The following NEDD4L variants were observed in gnomAD, a reference collection of about 807,000 sequenced individuals.
The protein encoded by NEDD4L is E3 ubiquitin-protein ligase NEDD4-like.
A neutral mutation model predicts 148.9 loss-of-function variants in NEDD4L; 54 were observed. That is an observed-to-expected ratio of 0.36 (90% confidence interval 0.29 to 0.45). NEDD4L has a LOEUF of 0.45. Ranked by LOEUF, NEDD4L falls within the 20% of genes least tolerant of loss-of-function variation. NEDD4L has a pLI of 1.00. For synonymous variants in NEDD4L, 433 were observed against 440.7 expected, an observed-to-expected ratio of 0.98 and a Z score of 0.22; for missense variants, 856 against 1,233.8, an observed-to-expected ratio of 0.69 and a Z score of 4.59.
intron 2 of NEDD4L, among the ~76,000 whole-genome samples, chr18:58,226,765 A>C (rs2044400587): frequency 6.6e-6 from 1 of 152,198 alleles, no homozygotes; most frequent in Non-Finnish European, 1.5e-5. Flanking sequence ...CCTCACTGCT[A>C]CAGCTGACAG....
intron 17 of NEDD4L, among the ~76,000 whole-genome samples, chr18:58,350,073 T>G (rs2043675211): frequency 6.6e-6 from 1 of 152,216 alleles, no homozygotes; most frequent in Non-Finnish European, 1.5e-5. Flanking sequence ...TCTCCCTTGT[T>G]GGTGACGGCT....
At chr18:58,195,565 AGCACGGC>A in intron 2 of NEDD4L, 1 of 1,339,542 alleles carries the variant, frequency 7.5e-7, no homozygotes, top group Non-Finnish European at 9.8e-7. Context: ...GTGCCTCCCC[AGCACGGC>A]ACCTCCCACT....
intron 2 of NEDD4L, among the ~76,000 whole-genome samples, chr18:58,196,915 T>A (rs2040773773): frequency 6.6e-6 from 1 of 151,942 alleles, no homozygotes; most frequent in African/African-American, 2.4e-5. Flanking sequence ...CCTGATGATT[T>A]TTATGAGGGG....
intron 19 of NEDD4L, among the ~76,000 whole-genome samples, chr18:58,361,670 C>A (rs2075407): frequency 0.37 from 56,533 of 151,888 alleles, 11,883 homozygotes; most frequent in African/African-American, 0.57. Flanking sequence ...TGTCTCCCGG[C>A]CAGTGATGAT....
Position 58,256,743 on chromosome 18 carries a change from A to G in NEDD4L, c.297+4689A>G, listed in dbSNP as rs1165588143. 19 of 1,231,950 alleles carry G rather than the reference A, an allele frequency of 1.5e-5. No individual in the cohort carries two copies. Among genetic ancestry groups the G allele is most frequent in the Non-Finnish European group, 1.8e-5 (18 of 988,020 alleles). The allele number at this position is 1,231,950 out of a possible 1,614,324, so 76.3% of individuals were successfully genotyped here. On this transcript the variant is annotated intron_variant, in intron 5 of 30. Coordinates refer to ENST00000400345, the MANE Select transcript of NEDD4L (RefSeq NM_001144967.3). The surrounding 1 kb of genome is among the most constrained non-coding windows in gnomAD (Gnocchi z 5.2). ...CAGAATCCCGAGGAGAAAAGCGCCA[A>G]AAGCCCTGTTTCCACGGGAGCTGAC...
chr18:58,348,336 T>C (rs1477816027), intron 16 of NEDD4L, among the ~76,000 whole-genome samples: 9 of 134,250 alleles, frequency 6.7e-5, no homozygotes, highest in Non-Finnish European at 1.3e-4. Flanking sequence ...CTTTTTTTTT[T>C]TTTTTTTTTT....
chr18:58,186,141 C>T (rs1202763506), intron 2 of NEDD4L, among the ~76,000 whole-genome samples: 1 of 152,078 alleles, frequency 6.6e-6, no homozygotes, highest in Non-Finnish European at 1.5e-5. Context: ...ACATACATTC[C>T]CTAGTTGACG....
intron 13 of NEDD4L, among the ~76,000 whole-genome samples, chr18:58,338,959 G>A (rs1488136810): frequency 6.6e-6 from 1 of 152,170 alleles, no homozygotes; most frequent in Non-Finnish European, 1.5e-5. Context: ...AATTCATACA[G>A]CTTTAGGATT....
intron 16 of NEDD4L, 43 bp downstream of exon 16, chr18:58,343,146 T>C (rs1161712612): frequency 6.6e-7 from 1 of 1,508,556 alleles, no homozygotes; most frequent in Admixed American, 2.0e-5. Context: ...CATCATGAAG[T>C]CTGGCATTAA....
At chr18:58,072,903 C>T (rs1321620807) in intron 1 of NEDD4L, among the ~76,000 whole-genome samples, 1 of 148,144 alleles carries the variant, frequency 6.8e-6, no homozygotes, top group African/African-American at 2.6e-5. Flanking sequence ...CACACACACA[C>T]ACAAATCTTG....
At chr18:58,307,907 G>A (rs2052638869) in intron 5 of NEDD4L, among the ~76,000 whole-genome samples, 1 of 152,114 alleles carries the variant, frequency 6.6e-6, no homozygotes. Flanking sequence ...AAAAAATATA[G>A]GATCTAGAAG....
intron 2 of NEDD4L, among the ~76,000 whole-genome samples, chr18:58,234,471 A>T (rs2045765692): frequency 6.6e-6 from 1 of 151,242 alleles, no homozygotes; most frequent in African/African-American, 2.4e-5. Flanking sequence ...AGCTGGGACC[A>T]TGGGTGTTTG....
intron 2 of NEDD4L, chr18:58,227,725 C>G (rs1469230363): frequency 5.2e-6 from 1 of 193,800 alleles, no homozygotes; most frequent in Non-Finnish European, 9.4e-6. Context: ...TTTCAGTGTT[C>G]AACATGCTGC....
intron 1 of NEDD4L, among the ~76,000 whole-genome samples, chr18:58,055,842 T>C (rs2082064906): frequency 6.6e-6 from 1 of 152,256 alleles, no homozygotes; most frequent in African/African-American, 2.4e-5. Flanking sequence ...GTTTGGGTTC[T>C]CTGAAATTTT....
chr18:58,088,652 G>GCT (rs1345725006), intron 1 of NEDD4L, among the ~76,000 whole-genome samples: 1 of 152,180 alleles, frequency 6.6e-6, no homozygotes, highest in African/African-American at 2.4e-5. Flanking sequence ...TATAAATGCA[G>GCT]CTGGGGACAT....
chr18:58,289,242 C>T (rs901305799), intron 5 of NEDD4L, among the ~76,000 whole-genome samples: 1 of 152,276 alleles, frequency 6.6e-6, no homozygotes, highest in African/African-American at 2.4e-5. Flanking sequence ...AACAACTGAA[C>T]GCTCAGTTGC....
At position 58,400,050 on chromosome 18, in the gene NEDD4L, C is replaced by G. The variant is rs1201038553; in HGVS notation, c.*3781C>G. 1 of 152,326 alleles carries G rather than the reference C, an allele frequency of 6.6e-6. No individual in the cohort carries two copies. Among genetic ancestry groups the G allele is most frequent in the East Asian group, 1.9e-4 (1 of 5,202 alleles). The allele number at this position is 152,326 out of a possible 1,614,324, so 9.4% of individuals were successfully genotyped here. On this transcript the variant is annotated 3_prime_UTR_variant, in exon 31 of 31. Coordinates refer to ENST00000400345, the MANE Select transcript of NEDD4L (RefSeq NM_001144967.3). ...GCCTGGGTTAATCAGTTCTGCAGCC[C>G]CTACGTGACACTGTGCTAGTTCTCC... is the stretch of plus-strand genomic sequence containing the variant.
intron 2 of NEDD4L, among the ~76,000 whole-genome samples, chr18:58,215,709 GA>G (rs369221278): frequency 2.6e-5 from 4 of 151,412 alleles, no homozygotes; most frequent in African/African-American, 4.9e-5. Context: ...TTCTAAGTCT[GA>G]AAAAAAATAG....
intron 9 of NEDD4L, among the ~76,000 whole-genome samples, chr18:58,326,999 G>A (rs1338357845): frequency 6.6e-6 from 1 of 152,184 alleles, no homozygotes; most frequent in Admixed American, 6.5e-5. Context: ...CCTCAATAAA[G>A]TGATTTAAAA....
Sources: gnomAD v4.1 joint callset for allele counts (sites outside exome capture counted in the v4.1 genomes callset) on GRCh38, gnomAD v4.1.1 for gene constraint, Gnocchi (gnomAD v3.1) non-coding constraint, MANE v1.5 for transcripts, NCBI Gene and HGNC (gene_info 2026-07-23, HGNC 2026-07-21) for gene names.